PRDM10: variants seen among roughly 807,000 people sequenced by gnomAD.
The protein encoded by PRDM10 is PR domain zinc finger protein 10.
A neutral mutation model predicts 133.1 loss-of-function variants in PRDM10; 65 were observed. That is an observed-to-expected ratio of 0.49 (90% CI 0.40 to 0.60). The LOEUF is 0.60. PRDM10 is among the 20% of genes least tolerant of loss of function. The probability of loss-of-function intolerance (pLI) is 0.00; values close to 1 mark genes in which losing one functional copy is unlikely to be tolerated. For missense variants in PRDM10, 1,137 were observed against 1,507.1 expected (o/e 0.75, Z 4.07); for synonymous variants, 582 against 580.4 (o/e 1.00, Z -0.04).
chr11:129,903,478 A>G (rs1280992517), intron 20 of PRDM10, among the ~76,000 whole-genome samples: 4 of 152,194 alleles, frequency 2.6e-5, no homozygotes, highest in East Asian at 3.8e-4. Context: ...ATTTAGCTTT[A>G]TGAAAACTTA....
At chr11:129,993,000 T>C (rs553902508) in intron 1 of PRDM10, among the ~76,000 whole-genome samples, 2 of 152,366 alleles carry the variant, frequency 1.3e-5, no homozygotes, top group African/African-American at 4.8e-5. Flanking sequence ...TTCTCTAATA[T>C]TGGAACTGCT....
chr11:129,916,268 G>A (rs2135750668), intron 15 of PRDM10, among the ~76,000 whole-genome samples: 1 of 152,282 alleles, frequency 6.6e-6, no homozygotes, highest in African/African-American at 2.4e-5. Context: ...CTTCCAAATG[G>A]CAACGTCAAT....
At chr11:129,941,643 T>G (rs987196602) in intron 7 of PRDM10, among the ~76,000 whole-genome samples, 1 of 152,192 alleles carries the variant, frequency 6.6e-6, no homozygotes, top group Non-Finnish European at 1.5e-5. Context: ...ATCGTCTGAG[T>G]GCCCATACAG....
At chr11:129,988,742 G>A (rs759164378) in intron 1 of PRDM10, among the ~76,000 whole-genome samples, 6 of 151,948 alleles carry the variant, frequency 3.9e-5, no homozygotes, top group Non-Finnish European at 7.4e-5. Context: ...CCATTCTCCT[G>A]CCTCAGCCTC....
intron 16 of PRDM10, 103 bp from the exon 17 acceptor site, chr11:129,915,121 T>TA (rs541579876): frequency 1.3e-4 from 165 of 1,235,264 alleles, no homozygotes; most frequent in Non-Finnish European, 1.8e-4. Context: ...TTTTATGTCT[T>TA]AAAAAAAGAA....
chr11:129,947,466 G>A lies in PRDM10; in HGVS notation c.295-96C>T, dbSNP rs1160030137. The stretch of plus-strand genomic sequence containing the variant: ...CACAAACAGGGCGCAAGGGCTGGCT[G>A]AAATCTAGTCTTCCTACCAACTCCT... On this transcript the variant is annotated intron_variant, in intron 4 of 20. Coordinates refer to ENST00000360871, the MANE Select transcript of PRDM10 (RefSeq NM_199437.2). This position sits in a 1 kb window ranked among gnomAD's most constrained non-coding sequence, Gnocchi z 4.6. The A allele has an allele frequency of 1.9e-6, 3 of 1,571,882 alleles. No homozygotes were observed. Among genetic ancestry groups the A allele is most frequent in the Non-Finnish European group, 2.6e-6 (3 of 1,154,882 alleles).
Position 129,901,984 on chromosome 11 carries a change from T to G in PRDM10, c.*329A>C. On this transcript the variant is annotated 3_prime_UTR_variant, in exon 21 of 21. Transcript: ENST00000360871. Reference sequence around the variant, plus strand: ...GTCTCCACCTTTGGTATGAACACAATATGCCACTTAATATTTCCACAAAGG... The same window carrying G: ...GTCTCCACCTTTGGTATGAACACAAGATGCCACTTAATATTTCCACAAAGG... The G allele has an allele frequency of 3.8e-6, 1 of 261,540 alleles. No homozygotes were observed. Among genetic ancestry groups the G allele is most frequent in the Non-Finnish European group, 7.4e-6 (1 of 135,590 alleles). 16.2% of individuals were successfully genotyped at this position (261,540 alleles called of 1,614,324 possible).
At chr11:129,935,267 A>C (rs1266388294) in intron 8 of PRDM10, 49 bp from the exon 9 acceptor site, 1 of 1,408,780 alleles carries the variant, frequency 7.1e-7, no homozygotes, top group Non-Finnish European at 1.0e-6. Flanking sequence ...AATAGACACC[A>C]GTAAAACTCA....
intron 1 of PRDM10, among the ~76,000 whole-genome samples, chr11:129,998,516 T>A (rs1236996742): frequency 6.6e-6 from 1 of 152,132 alleles, no homozygotes; most frequent in Non-Finnish European, 1.5e-5. Context: ...CCATATAAGG[T>A]TCTAAACTAT....
In PRDM10 at chr11:129,912,198, A is replaced by C; in HGVS notation, c.2869T>G (p.Ser957Ala). 2.5e-6 allele frequency: 4 copies of C among 1,601,478 alleles called. No homozygotes were observed. The highest frequency in any genetic ancestry group is 2.6e-6 in the Non-Finnish European group (3 of 1,172,312). ...TGGAGCTGGCCAACATCCACAGTGG[A>C]CTGCTGTGACTGGTGAGGGGAAGTG... ...SATSPHQSQQ[S>A]TVDVGQLHDP... is the part of the protein sequence containing the mutation. The change falls in exon 18 of 21, where the codon TCC (serine) becomes GCC (alanine). Residue 957 changes from serine to alanine, a missense_variant. Physicochemically the swap from Ser to Ala is moderately conservative, Grantham distance 99 (BLOSUM62 1). Around this residue, in one of 6 missense-constraint regions of PRDM10, gnomAD observed 243 missense variants for 259.2 expected, o/e 0.94. Transcript: ENST00000360871.
At chr11:129,950,657 C>G (rs1951559290) in intron 4 of PRDM10, among the ~76,000 whole-genome samples, 1 of 152,196 alleles carries the variant, frequency 6.6e-6, no homozygotes, top group Admixed American at 6.5e-5. Context: ...GCTTACAATA[C>G]TGCCCCTTGT....
chr11:129,977,464 A>G (rs895446374), intron 1 of PRDM10, among the ~76,000 whole-genome samples: 15 of 152,078 alleles, frequency 9.9e-5, no homozygotes, highest in African/African-American at 3.6e-4. Context: ...TTGTATTTTT[A>G]GTAGAGACTG....
chr11:129,906,989 G>GAAAAAAA (rs71057987), intron 19 of PRDM10, among the ~76,000 whole-genome samples: 6 of 139,664 alleles, frequency 4.3e-5, no homozygotes, highest in Admixed American at 7.1e-5. Flanking sequence ...AAAAGAAAAA[G>GAAAAAAA]AAAAAAAAAA....
intron 17 of PRDM10, among the ~76,000 whole-genome samples, chr11:129,912,888 T>C (rs1229204768): frequency 6.6e-6 from 1 of 151,398 alleles, no homozygotes; most frequent in East Asian, 1.9e-4. Flanking sequence ...GGTGAAACCC[T>C]GTCTCCACTA....
chr11:129,916,599 C>T (rs1190054230), intron 15 of PRDM10, among the ~76,000 whole-genome samples: 1 of 152,194 alleles, frequency 6.6e-6, no homozygotes, highest in Non-Finnish European at 1.5e-5. Context: ...CATGCCACTG[C>T]ACTCCAGCCT....
chr11:129,942,435 C>T lies in PRDM10; in HGVS notation c.957G>A (p.Gln319=), dbSNP rs1303494214. 3 of 1,613,830 alleles carry T rather than the reference C, an allele frequency of 1.9e-6. No individual in the cohort carries two copies. The African/African-American group carries it at 4.0e-5, about 22-fold the overall frequency. Residue 319 remains glutamine, a synonymous_variant, in exon 7 of 21, where the codon CAG becomes CAA. Coordinates refer to ENST00000360871, the MANE Select transcript of PRDM10 (RefSeq NM_199437.2). ...YTTIKNVEPK[Q]ELKVWYAASY... is the part of the protein sequence containing the mutation. ...TCAGGCAGCACTGTACCTTCAGTTC[C>T]TGCTTGGGCTCCACATTTTTTATGG...
In PRDM10 at chr11:129,914,914, C is replaced by A; in HGVS notation, c.2631G>T (p.Ala877=). ...CAGTGGCGCTGTCTGTAGTCAAAACCGCTGGGGTGGCACTGATCACAGCTG... is the reference window on the plus strand; with the variant it reads ...CAGTGGCGCTGTCTGTAGTCAAAACAGCTGGGGTGGCACTGATCACAGCTG... The part of the protein sequence containing the change: ...LTTAVISATP[A]VLTTDSATGE... Residue 877 remains alanine, a synonymous_variant, in exon 17 of 21, where the codon GCG becomes GCT. Coordinates refer to ENST00000360871, the MANE Select transcript of PRDM10 (RefSeq NM_199437.2). The A allele has an allele frequency of 6.2e-7, 1 of 1,614,112 alleles. No homozygotes were observed. Among genetic ancestry groups the A allele is most frequent in the Non-Finnish European group, 8.5e-7 (1 of 1,180,010 alleles).
chr11:129,914,926 A>G lies in PRDM10; in HGVS notation c.2619T>C (p.Ser873=), dbSNP rs781078066. The G allele has an allele frequency of 6.2e-7, 1 of 1,614,004 alleles. No individual in the cohort carries two copies. The highest frequency in any genetic ancestry group is 1.3e-5 in the African/African-American group (1 of 74,904). The change falls in exon 17 of 21, where the codon AGT becomes AGC. Residue 873 remains serine, a synonymous_variant. Coordinates refer to ENST00000360871, the MANE Select transcript of PRDM10 (RefSeq NM_199437.2). ...IHTPLTTAVI[S]ATPAVLTTDS... ...CTGTAGTCAAAACCGCTGGGGTGGCACTGATCACAGCTGTCGTCAGTGGTG... is the reference window on the plus strand; with the variant it reads ...CTGTAGTCAAAACCGCTGGGGTGGCGCTGATCACAGCTGTCGTCAGTGGTG...
At chr11:129,971,973 G>GC (rs1952038344) in intron 1 of PRDM10, among the ~76,000 whole-genome samples, 1 of 152,240 alleles carries the variant, frequency 6.6e-6, no homozygotes, top group South Asian at 2.1e-4. Flanking sequence ...CCCGAGCCCT[G>GC]CCCCGCGGGA....
Sources: allele counts gnomAD v4.1 joint callset (sites outside exome capture counted in the v4.1 genomes callset), GRCh38; gene constraint gnomAD v4.1.1; regional missense constraint gnomAD v4.1.1; non-coding constraint Gnocchi (gnomAD v3.1); transcripts MANE v1.5; gene names NCBI Gene and HGNC (gene_info 2026-07-23, HGNC 2026-07-21).